Variants in FAM78B observed in about 807,000 individuals in gnomAD.
FAM78B encodes family with sequence similarity 78 member B.
A neutral mutation model predicts 20.0 loss-of-function variants in FAM78B; 10 were observed. The ratio of observed to expected loss-of-function variants is 0.50; its 90% CI spans 0.31 to 0.85. The LOEUF is 0.85. FAM78B is among the 40% of genes least tolerant of loss of function. The probability of loss-of-function intolerance (pLI) is 0.05; values close to 1 mark genes in which losing one functional copy is unlikely to be tolerated. For missense variants in FAM78B, 283 were observed against 345.0 expected, an observed-to-expected ratio of 0.82 and a Z score of 1.42; for synonymous variants, 135 against 132.8, an observed-to-expected ratio of 1.02 and a Z score of -0.12.
At chr1:166,165,917 G>C in intron 1 of FAM78B, 69 bp downstream of exon 1, 1 of 1,587,706 alleles carries the variant, frequency 6.3e-7, no homozygotes, top group Non-Finnish European at 8.6e-7. Flanking sequence ...AGCTGGGGAG[G>C]GGGGTCAAGG....
chr1:166,056,835 A>AT (rs2101937875), downstream of FAM78B, among the ~76,000 whole-genome samples: 1 of 152,242 alleles, frequency 6.6e-6, no homozygotes, highest in East Asian at 1.9e-4. Flanking sequence ...CTATGTTCCA[A>AT]TATTTGTATC....
At chr1:166,135,818 G>A (rs759285869) in intron 1 of FAM78B, among the ~76,000 whole-genome samples, 12 of 152,180 alleles carry the variant, frequency 7.9e-5, no homozygotes, top group African/African-American at 2.2e-4. Context: ...GGTCTATGCC[G>A]AAAGAATTTT....
At chr1:166,159,118 C>G (rs6663496) in intron 1 of FAM78B, among the ~76,000 whole-genome samples, 143,625 of 152,328 alleles carry the variant, frequency 0.94, 68,274 homozygotes, top group East Asian at 1. Context: ...GGCTTCCTTG[C>G]AAGAAGCTTT....
intron 2 of FAM78B, among the ~76,000 whole-genome samples, chr1:166,061,896 T>C (rs1651615925): frequency 6.6e-6 from 1 of 152,378 alleles, no homozygotes; most frequent in South Asian, 2.1e-4. Context: ...TGAGTCTGCC[T>C]GCTGCTCCTG....
chr1:166,118,060 A>G (rs776497675), intron 1 of FAM78B, among the ~76,000 whole-genome samples: 1 of 152,190 alleles, frequency 6.6e-6, no homozygotes, highest in Non-Finnish European at 1.5e-5. Context: ...AGAGAACCAC[A>G]GCTCCACTCC....
intron 1 of FAM78B, among the ~76,000 whole-genome samples, chr1:166,153,653 G>C (rs1237321149): frequency 2.0e-5 from 3 of 152,166 alleles, no homozygotes; most frequent in Non-Finnish European, 2.9e-5. Flanking sequence ...TAGAGAAGGA[G>C]GGCCAGGCTG....
intron 1 of FAM78B, among the ~76,000 whole-genome samples, chr1:166,122,143 T>C (rs958857147): frequency 2.2e-4 from 33 of 152,312 alleles, no homozygotes; most frequent in African/African-American, 7.2e-4. Context: ...TGGCTTTTTT[T>C]CCTTGCCTTA....
intron 1 of FAM78B, among the ~76,000 whole-genome samples, chr1:166,109,888 A>ATATATATG (rs1553219474): frequency 7.2e-5 from 2 of 27,612 alleles, no homozygotes; most frequent in African/African-American, 3.4e-4. Context: ...ATATGTATAT[A>ATATATATG]TGTATATATA....
intron 1 of FAM78B, among the ~76,000 whole-genome samples, chr1:166,133,355 T>C (rs1378306869): frequency 6.6e-6 from 1 of 152,204 alleles, no homozygotes; most frequent in East Asian, 1.9e-4. Flanking sequence ...TGTGTAACTT[T>C]AGGTTTAGAG....
chr1:166,166,062 G>A lies in FAM78B; in HGVS notation c.187C>T (p.His63Tyr). 6.2e-7 allele frequency: 1 copy of A among 1,613,996 alleles called. No individual in the cohort carries two copies. The highest frequency in any genetic ancestry group is 8.5e-7 in the Non-Finnish European group (1 of 1,180,008). The part of the protein sequence containing the change: ...ARVVMPPIPR[H>Y]ETWVVGWIQA... ...ATCCAGCCCACCACCCAGGTCTCGT[G>A]GCGGGGGATGGGGGGCATGACCACG... The change falls in exon 1 of 2, where the codon CAC (histidine) becomes TAC (tyrosine). Residue 63 changes from histidine (H) to tyrosine (Y), a missense_variant. Transcript: ENST00000354422.
intron 1 of FAM78B, among the ~76,000 whole-genome samples, chr1:166,085,521 T>C (rs946021281): frequency 1.5e-4 from 23 of 152,168 alleles, no homozygotes; most frequent in Admixed American, 1.5e-3. Context: ...GATAAAGACA[T>C]GGTTGTCAAG....
chr1:166,064,222 C>G (rs1260643928), intron 2 of FAM78B, among the ~76,000 whole-genome samples: 1 of 152,142 alleles, frequency 6.6e-6, no homozygotes, highest in Non-Finnish European at 1.5e-5. Flanking sequence ...AAAGTTATTT[C>G]TTCATTTTAC....
In FAM78B at chr1:166,117,938, G is replaced by A. The variant is rs537833372; in HGVS notation, c.264-47175C>T. The stretch of plus-strand genomic sequence containing the variant: ...AATCTGGGCAAGGGTGAGCAAACCC[G>A]ACATGACGCAATTGGGAGGGGCGGG... On this transcript the variant is annotated intron_variant, in intron 1 of 1. Transcript: ENST00000354422. Among the ~76,000 whole-genome samples, 10 of 152,204 alleles carry A rather than the reference G, an allele frequency of 6.6e-5. No homozygotes were observed. In the South Asian group the frequency reaches 1.5e-3, roughly 22 times the overall value.
intron 1 of FAM78B, among the ~76,000 whole-genome samples, chr1:166,106,912 A>G (rs1274907796): frequency 6.6e-6 from 1 of 152,144 alleles, no homozygotes; most frequent in African/African-American, 2.4e-5. Flanking sequence ...TTCATCAATA[A>G]AAACATATAC....
chr1:166,158,699 C>A (rs2101804688), intron 1 of FAM78B, among the ~76,000 whole-genome samples: 1 of 152,332 alleles, frequency 6.6e-6, no homozygotes, highest in South Asian at 2.1e-4. Flanking sequence ...TCCTTAAATA[C>A]CACACTGATT....
intron 1 of FAM78B, among the ~76,000 whole-genome samples, chr1:166,128,610 A>G (rs1654729264): frequency 6.6e-6 from 1 of 152,192 alleles, no homozygotes. Flanking sequence ...TAGAGGAGAG[A>G]AGGTTTCACA....
chr1:166,066,781 A>C (rs1651810081), downstream of FAM78B, among the ~76,000 whole-genome samples: 1 of 152,200 alleles, frequency 6.6e-6, no homozygotes, highest in African/African-American at 2.4e-5. Context: ...CAGCACCAGG[A>C]AACAGGGAGT....
At chr1:166,080,273 T>C (rs1652511202) in intron 1 of FAM78B, among the ~76,000 whole-genome samples, 1 of 152,174 alleles carries the variant, frequency 6.6e-6, no homozygotes, top group East Asian at 1.9e-4. Flanking sequence ...TTTGGAACAA[T>C]TGCTAAACGA....
At chr1:166,073,579 G>A (rs1170576447) in intron 1 of FAM78B, among the ~76,000 whole-genome samples, 3 of 144,020 alleles carry the variant, frequency 2.1e-5, no homozygotes, top group Middle Eastern at 3.3e-3. Context: ...TCTATAAAAT[G>A]CATGACTAGT....
Sources: gnomAD v4.1 joint callset for allele counts (sites outside exome capture counted in the v4.1 genomes callset) on GRCh38, gnomAD v4.1.1 for gene constraint, MANE v1.5 for transcripts, NCBI Gene and HGNC (gene_info 2026-07-23, HGNC 2026-07-21) for gene names.